The following WIZ variants were observed in gnomAD, a reference collection of about 807,000 sequenced individuals.
WIZ encodes protein Wiz.
A neutral mutation model predicts 140.2 loss-of-function variants in WIZ; 25 were observed. The observed-to-expected ratio is 0.18, with a 90% confidence interval of 0.13 to 0.25. WIZ has a LOEUF of 0.25. WIZ is among the 10% of genes least tolerant of loss of function. WIZ has a pLI of 1.00. For synonymous variants in WIZ, 1,125 were observed against 1,154.3 expected (o/e 0.97, Z 0.51); for missense variants, 2,231 against 2,632.6 (o/e 0.85, Z 3.34).
rs1463355146 is a variant in WIZ at position 15,428,281 on chromosome 19, G to A, written c.3643C>T (p.Pro1215Ser). 1 of 1,527,036 alleles carries A rather than the reference G, an allele frequency of 6.5e-7. No individual in the cohort carries two copies. The highest frequency in any genetic ancestry group is 1.2e-5 in the South Asian group (1 of 83,136). The allele number at this position is 1,527,036 out of a possible 1,614,324, so 94.6% of individuals were successfully genotyped here. ...RRGALAHPGR[P>S]PPTSAALSLL... The stretch of plus-strand genomic sequence containing the variant: ...GAGAGGGCCGCGGAGGTGGGAGGCG[G>A]CCGCCCCGGGTGGGCCAGGGCGCCG... Residue 1215 changes from proline to serine, a missense_variant, in exon 8 of 13, where the codon CCG becomes TCG. Physicochemically the swap from Pro to Ser is moderately conservative, Grantham distance 74. Coordinates refer to ENST00000673675, the MANE Select transcript of WIZ (RefSeq NM_001371589.1). The surrounding 1 kb of genome is among the most constrained non-coding windows in gnomAD (Gnocchi z 6.4).
In WIZ at chr19:15,442,723, G is replaced by A. The variant is rs1969788251; in HGVS notation, c.231C>T (p.Ser77=). 14 of 1,232,286 alleles carry A rather than the reference G, an allele frequency of 1.1e-5. No homozygotes were observed. The highest frequency in any genetic ancestry group is 4.1e-5 in the South Asian group (1 of 24,336). 76.3% of individuals were successfully genotyped at this position (1,232,286 alleles called of 1,614,324 possible). Residue 77 remains serine, a synonymous_variant, in exon 3 of 13, where the codon AGC becomes AGT. Coordinates refer to ENST00000673675, the MANE Select transcript of WIZ (RefSeq NM_001371589.1). This position sits in a 1 kb window ranked among gnomAD's most constrained non-coding sequence, Gnocchi z 5.5. ...ISDGQPHPGL[S]EALPRVTSAT... ...CGGAGGTGACACGGGGGAGGGCTTC[G>A]CTGAGGCCGGGATGGGGCTGCCCGT...
At chr19:15,437,741 C>T (rs539200079) in intron 4 of WIZ, among the ~76,000 whole-genome samples, 4 of 152,340 alleles carry the variant, frequency 2.6e-5, no homozygotes, top group African/African-American at 7.2e-5. Context: ...ATAGCCTTCT[C>T]GTGACTATTT....
intron 9 of WIZ, 88 bp downstream of exon 9, chr19:15,426,894 A>G (rs1287934131): frequency 6.7e-7 from 1 of 1,484,322 alleles, no homozygotes; most frequent in Non-Finnish European, 9.1e-7. Context: ...TTCCAATTCA[A>G]CCCTAGGCAC....
intron 4 of WIZ, 68 bp downstream of exon 4, chr19:15,438,510 G>C: frequency 7.0e-7 from 1 of 1,429,728 alleles, no homozygotes; most frequent in Non-Finnish European, 9.2e-7. Flanking sequence ...CTAAGGGAGA[G>C]AATTTAGATC....
chr19:15,429,997 C>T lies in WIZ; in HGVS notation c.3004G>A (p.Gly1002Arg). 3.3e-6 allele frequency: 5 copies of T among 1,536,040 alleles called. No individual in the cohort carries two copies. Among genetic ancestry groups the T allele is most frequent in the Non-Finnish European group, 4.4e-6 (5 of 1,146,836 alleles). ...CCGCTGCTTTCCGACTCTGCCACTC[C>T]CAGCTGCCGCAGGTGGGAGCGCGCG... ...SHARSHLRQLGVAESESSGAP... is the reference protein window; with the variant it reads ...SHARSHLRQLRVAESESSGAP... Residue 1002 changes from glycine (G) to arginine (R), a missense_variant, in exon 7 of 13, where the codon GGA becomes AGA. Gly to Arg is a moderately radical substitution (Grantham distance 125). Transcript: ENST00000673675.
rs550554629 is a variant in WIZ, at chr19:15,429,842, G to A, written c.3159C>T (p.Pro1053=). 11 of 1,529,630 alleles carry A rather than the reference G, an allele frequency of 7.2e-6. No individual in the cohort carries two copies. The highest frequency in any genetic ancestry group is 1.7e-4 in the Middle Eastern group (1 of 5,932). The allele number at this position is 1,529,630 out of a possible 1,614,324, so 94.8% of individuals were successfully genotyped here. The change falls in exon 7 of 13, where the codon CCC becomes CCT. Residue 1053 remains proline (P), a synonymous_variant. Transcript: ENST00000673675. Reference sequence around the variant, plus strand: ...AGGGCTTGGCCAGGCTGAGCAAGCCGGGCCGGGGGGCCCCGGCGACCACCT... The same window carrying A: ...AGGGCTTGGCCAGGCTGAGCAAGCCAGGCCGGGGGGCCCCGGCGACCACCT... ...LKEVVAGAPR[P]GLLSLAKPLD...
In WIZ at chr19:15,424,218, G is replaced by C; in HGVS notation, c.5475C>G (p.Val1825=). ...GGGTGTAGATGTTGCCCACGAACTT[G>C]ACAAGTGATGTCTGGGGGGGCCGGG... is the stretch of plus-strand genomic sequence containing the variant. ...LVPRPPQTSL[V]KFVGNIYTLK... The change falls in exon 12 of 13, where the codon GTC becomes GTG. Residue 1825 remains valine, a synonymous_variant. Transcript: ENST00000673675. This position sits in a 1 kb window ranked among gnomAD's most constrained non-coding sequence, Gnocchi z 9.7. 6.4e-7 allele frequency: 1 copy of C among 1,570,602 alleles called. No homozygotes were observed. The highest frequency in any genetic ancestry group is 8.6e-7 in the Non-Finnish European group (1 of 1,160,986).
At chr19:15,448,031 T>G (rs1599719736) in intron 2 of WIZ, 72 bp downstream of exon 2, 1 of 1,562,766 alleles carries the variant, frequency 6.4e-7, no homozygotes, top group Non-Finnish European at 8.7e-7. Flanking sequence ...CTGCGCTGGG[T>G]GACTTGACTC....
chr19:15,424,868 C>T lies in WIZ; in HGVS notation c.5059G>A (p.Val1687Met), dbSNP rs1177790180. The change falls in exon 11 of 13, where the codon GTG becomes ATG. Residue 1687 changes from valine (V) to methionine (M), a missense_variant. By Grantham distance (21) the Val-to-Met change is conservative (BLOSUM62 1). This residue lies in a region of WIZ where 299 missense variants were observed against 309.6 expected (regional missense o/e 0.97). Transcript: ENST00000673675. This position sits in a 1 kb window ranked among gnomAD's most constrained non-coding sequence, Gnocchi z 9.7. ...SEWIKHRPQK[V>M]GAYRSYIQGG... is the part of the protein sequence containing the mutation. ...TGGATGTAGCTGCGGTAGGCGCCCA[C>T]CTTCTGGGGCCGGTGTTTGATCCAC... 1 of 1,611,026 alleles carries T rather than the reference C, an allele frequency of 6.2e-7. No individual in the cohort carries two copies. The highest frequency in any genetic ancestry group is 8.5e-7 in the Non-Finnish European group (1 of 1,179,438).
rs1410712106 is a variant in WIZ at position 15,420,788 on chromosome 19, T to C, written c.*2288A>G. 3 of 152,248 alleles carry C rather than the reference T, an allele frequency of 2.0e-5. No individual in the cohort carries two copies. Among genetic ancestry groups the C allele is most frequent in the Admixed American group, 6.5e-5 (1 of 15,284 alleles). The allele number at this position is 152,248 out of a possible 1,614,324, so 9.4% of individuals were successfully genotyped here. A position where few individuals can be genotyped will look rare whatever the true frequency, so the allele number is the denominator to read the frequency against. On this transcript the variant is annotated 3_prime_UTR_variant, in exon 13 of 13. Transcript: ENST00000673675. The stretch of plus-strand genomic sequence containing the variant: ...TTTATAAGCTCTTGTATCATTTGAC[T>C]GTTTTTTGTCACATCTAGCCTATAC...
chr19:15,425,169 A>C, intron 10 of WIZ, 72 bp downstream of exon 10: 2 of 1,542,932 alleles, frequency 1.3e-6, no homozygotes, highest in Non-Finnish European at 1.7e-6. Context: ...GTCAGTGTGC[A>C]CGCTTGTGGC....
intron 2 of WIZ, among the ~76,000 whole-genome samples, chr19:15,445,117 C>A (rs947844240): frequency 6.6e-6 from 1 of 152,228 alleles, no homozygotes; most frequent in African/African-American, 2.4e-5. Context: ...GGCGCTAGGT[C>A]GCAGCCCTTA....
intron 4 of WIZ, 51 bp from the exon 5 acceptor site, chr19:15,437,180 G>T: frequency 6.8e-7 from 1 of 1,471,640 alleles, no homozygotes; most frequent in East Asian, 2.6e-5. Flanking sequence ...CTACTCCCCA[G>T]CCCCAACCCC....
intron 5 of WIZ, among the ~76,000 whole-genome samples, chr19:15,435,321 G>T (rs747343275): frequency 5.9e-5 from 9 of 151,986 alleles, no homozygotes; most frequent in Non-Finnish European, 1.2e-4. Flanking sequence ...CTTAGTACAG[G>T]GGCCAGGCGT....
rs551275882 is a variant in WIZ, at chr19:15,424,926, G to A, written c.5001C>T (p.Cys1667=). ...HLRQFGVTEW[C]VNGSPIETLS... ...GTGTCTCGATGGGCGAGCCATTGAC[G>A]CACCACTCGGTCACGCCGAACTGCC... Residue 1667 remains cysteine, a synonymous_variant, in exon 11 of 13, where the codon TGC becomes TGT. Transcript: ENST00000673675. This position sits in a 1 kb window ranked among gnomAD's most constrained non-coding sequence, Gnocchi z 9.7. 9.3e-6 allele frequency: 15 copies of A among 1,610,736 alleles called. No homozygotes were observed. The East Asian group carries it at 1.1e-4, about 12-fold the overall frequency.
In WIZ at chr19:15,448,280, C is replaced by T. The variant is rs747228645; in HGVS notation, c.28G>A (p.Ala10Thr). The T allele has an allele frequency of 6.2e-7, 1 of 1,613,122 alleles. No individual in the cohort carries two copies. Among genetic ancestry groups the T allele is most frequent in the East Asian group, 2.2e-5 (1 of 44,866 alleles). ...GGGCCTTGGGGACGATCTGGTGCAGCCAGGCTGCCTGCCAGAGACCCCTCC... is the reference window on the plus strand; with the variant it reads ...GGGCCTTGGGGACGATCTGGTGCAGTCAGGCTGCCTGCCAGAGACCCCTCC... MEGSLAGSL[A>T]APDRPQGPER... Residue 10 changes from alanine (A) to threonine (T), a missense_variant, in exon 2 of 13, where the codon GCT becomes ACT. Physicochemically the swap from Ala to Thr is moderately conservative, Grantham distance 58. Coordinates refer to ENST00000673675, the MANE Select transcript of WIZ (RefSeq NM_001371589.1).
At chr19:15,436,640 C>T in intron 5 of WIZ, 166 bp downstream of exon 5, 3 of 654,114 alleles carry the variant, frequency 4.6e-6, no homozygotes, top group Non-Finnish European at 7.1e-6. Context: ...ACAGAAAGGA[C>T]ACCTAAATAG....
chr19:15,443,173 G>A (rs368164430), intron 2 of WIZ, among the ~76,000 whole-genome samples: 3 of 152,366 alleles, frequency 2.0e-5, no homozygotes, highest in African/African-American at 4.8e-5. Context: ...CTGGGTTCAA[G>A]CGATTCTCCT....
Position 15,422,919 on chromosome 19 carries a change from G to T in WIZ, c.*157C>A. The T allele has an allele frequency of 2.6e-6, 3 of 1,154,692 alleles. No individual in the cohort carries two copies. Among genetic ancestry groups the T allele is most frequent in the Non-Finnish European group, 3.5e-6 (3 of 847,256 alleles). The allele number at this position is 1,154,692 out of a possible 1,614,324, so 71.5% of individuals were successfully genotyped here. ...GAAGGGCAGCTAGCTGGCTCCCGGCGCCCTGGCTGTAGTGTGCCCGGCCCC... is the reference window on the plus strand; with the variant it reads ...GAAGGGCAGCTAGCTGGCTCCCGGCTCCCTGGCTGTAGTGTGCCCGGCCCC... On this transcript the variant is annotated 3_prime_UTR_variant, in exon 13 of 13. Transcript: ENST00000673675.
Sources: gnomAD v4.1 joint callset for allele counts (sites outside exome capture counted in the v4.1 genomes callset) on GRCh38, gnomAD v4.1.1 for gene constraint, gnomAD v4.1.1 regional missense constraint, Gnocchi (gnomAD v3.1) non-coding constraint, MANE v1.5 for transcripts, NCBI Gene and HGNC (gene_info 2026-07-23, HGNC 2026-07-21) for gene names.